Variants in BBS9 observed in about 807,000 individuals in gnomAD.
The protein encoded by BBS9 is protein PTHB1.
A neutral mutation model predicts 117.7 loss-of-function variants in BBS9; 89 were observed. That is an observed-to-expected ratio of 0.76 (90% CI 0.64 to 0.90). The LOEUF (loss-of-function observed/expected upper bound fraction) is 0.90, where lower values mean the gene tolerates loss of function less well. Among genes scored for constraint, BBS9 ranks in the 40% least tolerant of loss-of-function variants. The pLI, the probability that BBS9 is intolerant of heterozygous loss-of-function variation, is 0.00. For missense variants in BBS9, 982 were observed against 1,042.2 expected (o/e 0.94, Z 0.80); for synonymous variants, 379 against 370.9 (o/e 1.02, Z -0.25).
chr7:33,341,395 A>G (rs552670427), intron 11 of BBS9, among the ~76,000 whole-genome samples: 14 of 152,152 alleles, frequency 9.2e-5, no homozygotes, highest in African/African-American at 3.4e-4. Flanking sequence ...GATGATTTCT[A>G]GTCTTTAATA....
At chr7:33,495,144 G>C (rs780584785) in intron 19 of BBS9, among the ~76,000 whole-genome samples, 4 of 152,192 alleles carry the variant, frequency 2.6e-5, no homozygotes, top group Non-Finnish European at 5.9e-5. Flanking sequence ...ACTCTATTGT[G>C]AAAATGTCAC....
At chr7:33,343,108 AT>A (rs905654705) in intron 11 of BBS9, among the ~76,000 whole-genome samples, 1 of 152,174 alleles carries the variant, frequency 6.6e-6, no homozygotes, top group African/African-American at 2.4e-5. Flanking sequence ...GCTGATGCTC[AT>A]TACATCATAG....
chr7:33,165,988 C>A (rs977604997), intron 4 of BBS9, among the ~76,000 whole-genome samples: 1 of 152,138 alleles, frequency 6.6e-6, no homozygotes, highest in Non-Finnish European at 1.5e-5. Flanking sequence ...TGCCTTTGGT[C>A]TTTGATGTTG....
At chr7:33,470,298 T>TC (rs1554497916) in intron 19 of BBS9, among the ~76,000 whole-genome samples, 8 of 151,686 alleles carry the variant, frequency 5.3e-5, no homozygotes, top group Non-Finnish European at 1.0e-4. Flanking sequence ...TCTTTTTTTT[T>TC]CTCAGATAAA....
At chr7:33,208,305 A>C (rs1787345233) in intron 5 of BBS9, among the ~76,000 whole-genome samples, 1 of 152,140 alleles carries the variant, frequency 6.6e-6, no homozygotes, top group South Asian at 2.1e-4. Context: ...ATTGATTTTG[A>C]CCATTTCCCT....
intron 19 of BBS9, among the ~76,000 whole-genome samples, chr7:33,440,460 CT>C (rs1835994959): frequency 6.6e-6 from 1 of 152,102 alleles, no homozygotes; most frequent in Admixed American, 6.6e-5. Flanking sequence ...GGGGGCATTC[CT>C]TTTAACAGAT....
At chr7:33,551,012 G>A (rs1254965144) in intron 21 of BBS9, among the ~76,000 whole-genome samples, 1 of 152,040 alleles carries the variant, frequency 6.6e-6, no homozygotes, top group Non-Finnish European at 1.5e-5. Context: ...TGTGGAAAAT[G>A]TTACCAAAAA....
At chr7:33,410,189 T>C (rs1219182519) in intron 19 of BBS9, among the ~76,000 whole-genome samples, 4 of 152,044 alleles carry the variant, frequency 2.6e-5, no homozygotes, top group Non-Finnish European at 5.9e-5. Flanking sequence ...CAGAGAAAAA[T>C]GTGTGTTAAA....
chr7:33,226,000 C>A (rs151076221), intron 5 of BBS9, among the ~76,000 whole-genome samples: 4 of 152,106 alleles, frequency 2.6e-5, no homozygotes, highest in African/African-American at 4.8e-5. Flanking sequence ...TAGATAAGCA[C>A]CTTCAGTGGT....
In BBS9 at chr7:33,536,977, A is replaced by G. The variant is rs1851541679; in HGVS notation, c.2521+2801A>G. 2.0e-5 allele frequency among the ~76,000 whole-genome samples: 3 copies of G among 152,052 alleles called. No individual in the cohort carries two copies. In the South Asian group the frequency reaches 6.2e-4, roughly 32 times the overall value. On this transcript the variant is annotated intron_variant, in intron 21 of 22. Coordinates refer to ENST00000242067, the MANE Select transcript of BBS9 (RefSeq NM_198428.3). ...CCAGTAGTTGTATCAGAATATACAA[A>G]GTGGCATATTAGAAAGGACTGGATT... is the stretch of plus-strand genomic sequence containing the variant.
chr7:33,467,819 C>T (rs140723281), intron 19 of BBS9, among the ~76,000 whole-genome samples: 3 of 146,442 alleles, frequency 2.0e-5, no homozygotes, highest in East Asian at 4.8e-4. Context: ...CTAGGTGAAA[C>T]ACTGGTGAGG....
At chr7:33,476,518 TCCAACCA>T (rs2128964648) in intron 19 of BBS9, among the ~76,000 whole-genome samples, 1 of 152,318 alleles carries the variant, frequency 6.6e-6, no homozygotes, top group South Asian at 2.1e-4. Context: ...CCTCCTTGGC[TCCAACCA>T]CCTTTAAACA....
At chr7:33,308,800 T>C (rs1293325450) in intron 9 of BBS9, among the ~76,000 whole-genome samples, 1 of 152,206 alleles carries the variant, frequency 6.6e-6, no homozygotes, top group Admixed American at 6.5e-5. Flanking sequence ...AATCCTGACG[T>C]AGCTTCTATG....
chr7:33,262,974 T>G (rs542069425), intron 6 of BBS9, among the ~76,000 whole-genome samples: 1 of 152,362 alleles, frequency 6.6e-6, no homozygotes, highest in South Asian at 2.1e-4. Flanking sequence ...TATATGAGTC[T>G]CTACAACTAG....
At chr7:33,304,238 C>A (rs1188167216) in intron 9 of BBS9, among the ~76,000 whole-genome samples, 29 of 137,650 alleles carry the variant, frequency 2.1e-4, no homozygotes, top group African/African-American at 7.5e-4. Context: ...CCCGGCCACC[C>A]CATCTGGGAT....
chr7:33,292,350 C>A (rs1421794712), intron 9 of BBS9, among the ~76,000 whole-genome samples: 1 of 152,092 alleles, frequency 6.6e-6, no homozygotes. Flanking sequence ...ACCTCAGCCC[C>A]CCAGGTAGCT....
At chr7:33,610,239 A>G (rs929714193), downstream of BBS9, among the ~76,000 whole-genome samples, 5 of 152,142 alleles carry the variant, frequency 3.3e-5, no homozygotes, top group Non-Finnish European at 5.9e-5. Context: ...CAAAATATGT[A>G]TGGGATAGCA....
At position 33,632,494 on chromosome 7, in the gene BBS9, C is replaced by T. The variant is rs574762335; in HGVS notation, c.2522-2683C>T. On this transcript the variant is annotated intron_variant, in intron 21 of 21. Coordinates refer to the BBS9 transcript ENST00000671952. Reference sequence around the variant, plus strand: ...AGCCGCGCTCCACCGGCGCCCTCGCCCCGCTCGCGGCTGCTGGGTGGCTTG... The same window carrying T: ...AGCCGCGCTCCACCGGCGCCCTCGCTCCGCTCGCGGCTGCTGGGTGGCTTG... Among the ~76,000 whole-genome samples the T allele has an allele frequency of 9.5e-4, 145 of 152,368 alleles. 2 individuals carry two copies. The highest frequency in any genetic ancestry group is 3.4e-3 in the African/African-American group (141 of 41,590).
At chr7:33,242,644 C>T in intron 5 of BBS9, among the ~76,000 whole-genome samples, 1 of 152,074 alleles carries the variant, frequency 6.6e-6, no homozygotes, top group East Asian at 1.9e-4. Context: ...TATTCTCCTC[C>T]TCTACTTGTC....
Sources: gnomAD v4.1 joint callset for allele counts (sites outside exome capture counted in the v4.1 genomes callset) on GRCh38, gnomAD v4.1.1 for gene constraint, MANE v1.5 for transcripts, NCBI Gene and HGNC (gene_info 2026-07-23, HGNC 2026-07-21) for gene names.